Variants in NXPH4 observed in about 807,000 individuals in gnomAD.
NXPH4 encodes the protein neurexophilin-4.
A neutral mutation model predicts 21.3 loss-of-function variants in NXPH4; 8 were observed. The observed-to-expected ratio is 0.38, with a 90% CI of 0.22 to 0.68. The LOEUF is 0.68. Ranked by LOEUF, NXPH4 falls within the 30% of genes least tolerant of loss-of-function variation. The pLI is 0.53. For synonymous variants in NXPH4, 219 were observed against 192.6 expected, an observed-to-expected ratio of 1.14 and a Z score of -1.13; for missense variants, 418 against 416.8, an observed-to-expected ratio of 1.00 and a Z score of -0.03.
At chr12:57,218,248 C>G (rs1338922339) in intron 1 of NXPH4, among the ~76,000 whole-genome samples, 1 of 152,262 alleles carries the variant, frequency 6.6e-6, no homozygotes, top group Non-Finnish European at 1.5e-5. Context: ...AGGGCAGGGG[C>G]TGCCCCAGTG....
chr12:57,225,505 C>T lies in NXPH4; in HGVS notation c.685C>T (p.Arg229Cys). The T allele has an allele frequency of 6.2e-7, 1 of 1,611,020 alleles. No individual in the cohort carries two copies. The highest frequency in any genetic ancestry group is 8.5e-7 in the Non-Finnish European group (1 of 1,179,454). Residue 229 changes from arginine to cysteine, a missense_variant, in exon 2 of 2, where the codon CGC becomes TGC. Arg to Cys is a radical substitution (Grantham distance 180). Coordinates refer to ENST00000349394, the MANE Select transcript of NXPH4 (RefSeq NM_007224.4). ...GGGAGTGCCTGGGGCCAAAGAGTCACGCGCTTTCAATTGCCACGTGGAGTA... is the reference window on the plus strand; with the variant it reads ...GGGAGTGCCTGGGGCCAAAGAGTCATGCGCTTTCAATTGCCACGTGGAGTA... Reference protein sequence around the residue: ...ALGVPGAKESRAFNCHVEYEK... With the variant: ...ALGVPGAKESCAFNCHVEYEK...
chr12:57,225,019 TG>T lies in NXPH4; in HGVS notation c.202del (p.Ala68ProfsTer57). 1.3e-6 allele frequency: 2 copies of T among 1,491,716 alleles called. No homozygotes were observed. Among genetic ancestry groups the T allele is most frequent in the Non-Finnish European group, 8.9e-7 (1 of 1,119,702 alleles). 92.4% of individuals were successfully genotyped at this position (1,491,716 alleles called of 1,614,324 possible). ...DGLGVGRAWS[W>X]AWPTNHTGAL... The stretch of plus-strand genomic sequence containing the variant: ...CCTAGGCGTGGGCCGCGCCTGGAGC[TG>T]GGCCTGGCCGACCAACCACACGGGG... On this transcript the variant is annotated frameshift_variant, in exon 2 of 2. Coordinates refer to ENST00000349394, the MANE Select transcript of NXPH4 (RefSeq NM_007224.4). LOFTEE classifies it high-confidence loss of function.
intron 1 of NXPH4, among the ~76,000 whole-genome samples, chr12:57,221,141 CCTCT>C (rs2037087717): frequency 6.6e-6 from 1 of 152,230 alleles, no homozygotes; most frequent in South Asian, 2.1e-4. Context: ...AGTCCCCCTC[CCTCT>C]CTGTCTCAGT....
intron 1 of NXPH4, among the ~76,000 whole-genome samples, chr12:57,222,410 AC>A (rs2037101108): frequency 6.6e-6 from 1 of 150,806 alleles, no homozygotes; most frequent in South Asian, 2.1e-4. Flanking sequence ...GGCCTGAATC[AC>A]CCCAGCCAGG....
Position 57,225,425 on chromosome 12 carries a change from C to T in NXPH4, c.605C>T (p.Pro202Leu), listed in dbSNP as rs571576338. Residue 202 changes from proline (P) to leucine (L), a missense_variant, in exon 2 of 2, where the codon CCC becomes CTC. Transcript: ENST00000349394. ...PLGMAAAAAG[P>L]GLGGSLGGAL... The stretch of plus-strand genomic sequence containing the variant: ...GGGATGGCAGCAGCAGCGGCGGGGC[C>T]CGGGCTTGGGGGCTCCCTCGGGGGC... 25 of 1,603,084 alleles carry T rather than the reference C, an allele frequency of 1.6e-5. No homozygotes were observed. The highest frequency in any genetic ancestry group is 2.2e-5 in the South Asian group (2 of 90,878).
chr12:57,226,058 C>T lies in NXPH4; in HGVS notation c.*311C>T. On this transcript the variant is annotated 3_prime_UTR_variant, in exon 2 of 2. Transcript: ENST00000349394. ...GTCCACAGTGGGTCCCCTTTTCACC[C>T]TTGGCGCTAGGCTGCGCACTCCCTT... The T allele has an allele frequency of 1.4e-6, 1 of 719,996 alleles. No homozygotes were observed. Among genetic ancestry groups the T allele is most frequent in the Non-Finnish European group, 2.1e-6 (1 of 475,754 alleles). 44.6% of individuals were successfully genotyped at this position (719,996 alleles called of 1,614,324 possible).
At chr12:57,222,227 G>A (rs1592674258) in intron 1 of NXPH4, among the ~76,000 whole-genome samples, 1 of 152,146 alleles carries the variant, frequency 6.6e-6, no homozygotes, top group Non-Finnish European at 1.5e-5. Flanking sequence ...AGTGGGTGGG[G>A]GCGGGACTGC....
chr12:57,223,512 A>G (rs1592674762), intron 1 of NXPH4, among the ~76,000 whole-genome samples: 1 of 152,158 alleles, frequency 6.6e-6, no homozygotes, highest in South Asian at 2.1e-4. Context: ...ACACACATGT[A>G]CCGGCCACAC....
chr12:57,220,035 C>A (rs144290700), intron 1 of NXPH4: 1 of 152,478 alleles, frequency 6.6e-6, no homozygotes, highest in Non-Finnish European at 1.5e-5. Flanking sequence ...AGATGGGGAA[C>A]TTTGGACCTA....
At chr12:57,220,283 G>A (rs946565689) in intron 1 of NXPH4, among the ~76,000 whole-genome samples, 3 of 151,908 alleles carry the variant, frequency 2.0e-5, no homozygotes, top group Non-Finnish European at 4.4e-5. Context: ...CTCCCCCTCC[G>A]GCTCCGGCTT....
At chr12:57,223,654 GAC>G (rs2037113324) in intron 1 of NXPH4, among the ~76,000 whole-genome samples, 1 of 152,234 alleles carries the variant, frequency 6.6e-6, no homozygotes, top group Admixed American at 6.5e-5. Flanking sequence ...CAGGCTGACT[GAC>G]ACACTCTGAC....
At chr12:57,224,482 T>G (rs2037122510) in intron 1 of NXPH4, among the ~76,000 whole-genome samples, 1 of 152,160 alleles carries the variant, frequency 6.6e-6, no homozygotes. Context: ...TGGCTCAGTT[T>G]GCTCAGAGTC....
At position 57,217,950 on chromosome 12, in the gene NXPH4, T is replaced by A. The variant is rs574572994; in HGVS notation, c.57+924T>A. 5.3e-5 allele frequency among the ~76,000 whole-genome samples: 8 copies of A among 152,276 alleles called. No individual in the cohort carries two copies. In the Middle Eastern group the frequency reaches 0.014, roughly 259 times the overall value. On this transcript the variant is annotated intron_variant, in intron 1 of 1. Transcript: ENST00000349394. ...GGTGTTGGCTTTGCATGAGTGAGTG[T>A]CAGTGCCTGCCTCACAGTGCAGCCA...
rs144688256 is a variant in NXPH4, at chr12:57,225,103, C to A, written c.283C>A (p.Pro95Thr). ...ALPAQRTKRK[P>T]SIKAARAKKI... ...GCCCGCGCAGCGCACCAAGAGGAAG[C>A]CGTCCATCAAGGCGGCGCGCGCCAA... The change falls in exon 2 of 2, where the codon CCG (proline) becomes ACG (threonine). Residue 95 changes from proline (P) to threonine (T), a missense_variant. Coordinates refer to ENST00000349394, the MANE Select transcript of NXPH4 (RefSeq NM_007224.4). The A allele has an allele frequency of 2.7e-6, 4 of 1,502,488 alleles. No individual in the cohort carries two copies. The highest frequency in any genetic ancestry group is 2.8e-5 in the African/African-American group (2 of 71,076). 93.1% of individuals were successfully genotyped at this position (1,502,488 alleles called of 1,614,324 possible).
intron 1 of NXPH4, among the ~76,000 whole-genome samples, chr12:57,220,289 G>T (rs2037078288): frequency 6.6e-6 from 1 of 152,080 alleles, no homozygotes; most frequent in African/African-American, 2.4e-5. Context: ...CTCCGGCTCC[G>T]GCTTCGGGAA....
chr12:57,219,266 C>G (rs779706004), intron 1 of NXPH4, among the ~76,000 whole-genome samples: 1 of 152,106 alleles, frequency 6.6e-6, no homozygotes, highest in Non-Finnish European at 1.5e-5. Flanking sequence ...CTCCAGGCTT[C>G]CCATTTCTCA....
At chr12:57,224,708 G>A (rs1354143028) in intron 1 of NXPH4, among the ~76,000 whole-genome samples, 170 bp from the exon 2 acceptor site, 6 of 152,234 alleles carry the variant, frequency 3.9e-5, no homozygotes, top group Admixed American at 6.5e-5. Flanking sequence ...AGACTACATA[G>A]CTTGAAAGGG....
chr12:57,216,949 C>T lies in NXPH4; in HGVS notation c.-21C>T, dbSNP rs769064567. 7 of 1,580,356 alleles carry T rather than the reference C, an allele frequency of 4.4e-6. No homozygotes were observed. The East Asian group carries it at 7.1e-5, about 16-fold the overall frequency. On this transcript the variant is annotated 5_prime_UTR_variant, in exon 1 of 2. Transcript: ENST00000349394. This position sits in a 1 kb window ranked among gnomAD's most constrained non-coding sequence, Gnocchi z 5.3. ...CCTGCCCGAGACCCGCCCAGCCTGCCCCGCTCAGCCGCCAGAGAAGATGCG... is the reference window on the plus strand; with the variant it reads ...CCTGCCCGAGACCCGCCCAGCCTGCTCCGCTCAGCCGCCAGAGAAGATGCG...
intron 1 of NXPH4, among the ~76,000 whole-genome samples, chr12:57,224,624 G>A (rs1389150400): frequency 6.6e-6 from 1 of 152,142 alleles, no homozygotes; most frequent in Non-Finnish European, 1.5e-5. Flanking sequence ...GAGCTCTGTG[G>A]GCCACATCAG....
Sources: gnomAD v4.1 joint callset for allele counts (sites outside exome capture counted in the v4.1 genomes callset) on GRCh38, gnomAD v4.1.1 for gene constraint, Gnocchi (gnomAD v3.1) non-coding constraint, MANE v1.5 for transcripts, NCBI Gene and HGNC (gene_info 2026-07-23, HGNC 2026-07-21) for gene names.